Variants in DLG2 observed in about 807,000 individuals in gnomAD.
The protein encoded by DLG2 is discs large MAGUK scaffold protein 2.
A neutral mutation model predicts 132.5 loss-of-function variants in DLG2; 45 were observed. The observed-to-expected ratio is 0.34, with a 90% CI of 0.27 to 0.44. DLG2 has a LOEUF of 0.44. Ranked by LOEUF, DLG2 falls within the 20% of genes least tolerant of loss-of-function variation. The probability of loss-of-function intolerance (pLI) is 1.00; values close to 1 mark genes in which losing one functional copy is unlikely to be tolerated. For missense variants in DLG2, 1,045 were observed against 1,196.9 expected, an observed-to-expected ratio of 0.87 and a Z score of 1.87; for synonymous variants, 424 against 419.6, an observed-to-expected ratio of 1.01 and a Z score of -0.13.
intron 6 of DLG2, among the ~76,000 whole-genome samples, chr11:84,913,288 T>C (rs2092239086): frequency 6.6e-6 from 1 of 152,190 alleles, no homozygotes; most frequent in African/African-American, 2.4e-5. Context: ...AGAGAAACTT[T>C]TGCATGAAGT....
At chr11:84,399,598 G>A (rs2098822625) in intron 7 of DLG2, among the ~76,000 whole-genome samples, 1 of 151,988 alleles carries the variant, frequency 6.6e-6, no homozygotes, top group African/African-American at 2.4e-5. Flanking sequence ...GTATTTTTTA[G>A]TAGAGATGGG....
rs116096992 is a variant in DLG2 at position 85,579,536 on chromosome 11, G to A, written c.40+19121C>T. Among the ~76,000 whole-genome samples, 1,171 of 152,220 alleles carry A rather than the reference G, an allele frequency of 7.7e-3. 16 individuals are homozygous for A. Among genetic ancestry groups the A allele is most frequent in the African/African-American group, 0.027 (1,132 of 41,542 alleles). ...CAAATGCTCCTGAAAATAAAAATTC[G>A]CCAATGAAATTTGAAACATGGAGGT... On this transcript the variant is annotated intron_variant, in intron 3 of 27. Transcript: ENST00000376104.
intron 21 of DLG2, among the ~76,000 whole-genome samples, chr11:83,499,788 AT>A (rs2094348374): frequency 7.1e-6 from 1 of 140,736 alleles, no homozygotes; most frequent in Non-Finnish European, 1.5e-5. Context: ...TATATATATT[AT>A]ATATATAATA....
In DLG2 at chr11:83,668,865, A is replaced by T. The variant is rs768490375; in HGVS notation, c.1826-35540T>A. On this transcript the variant is annotated intron_variant, in intron 18 of 27. Transcript: ENST00000376104. ...CACACACACACATATATATATATATATATTTTTTTTTTATGATAGACTATG... is the reference window on the plus strand; with the variant it reads ...CACACACACACATATATATATATATTTATTTTTTTTTTATGATAGACTATG... Among the ~76,000 whole-genome samples, 130 of 115,670 alleles carry T rather than the reference A, an allele frequency of 1.1e-3. 3 individuals carry two copies. The highest frequency in any genetic ancestry group is 2.2e-3 in the Admixed American group (30 of 13,494). The allele number at this position is 115,670 out of a possible 152,430, so 75.9% of individuals were successfully genotyped here. A position where few individuals can be genotyped will look rare whatever the true frequency, so the allele number is the denominator to read the frequency against.
chr11:84,639,090 T>C (rs1443639253), intron 6 of DLG2, among the ~76,000 whole-genome samples: 1 of 152,236 alleles, frequency 6.6e-6, no homozygotes, highest in Admixed American at 6.5e-5. Flanking sequence ...TTAGTTATTT[T>C]ATCAAGTATG....
At chr11:83,698,071 C>A (rs1442524600) in intron 18 of DLG2, among the ~76,000 whole-genome samples, 1 of 152,200 alleles carries the variant, frequency 6.6e-6, no homozygotes, top group African/African-American at 2.4e-5. Flanking sequence ...CATTGAGTCT[C>A]ACTTAAGCAT....
chr11:85,301,194 C>A (rs925044706), intron 3 of DLG2, among the ~76,000 whole-genome samples: 1 of 151,998 alleles, frequency 6.6e-6, no homozygotes, highest in Non-Finnish European at 1.5e-5. Context: ...GAACAAGACT[C>A]CATCTCAAAA....
In DLG2 at chr11:84,213,682, G is replaced by C. The variant is rs137855231; in HGVS notation, c.573+37556C>G. The stretch of plus-strand genomic sequence containing the variant: ...AAAATAGAAAAAATTAGACTGGCGT[G>C]GTGGCGGGCACCTGTAGTCCCAGCT... On this transcript the variant is annotated intron_variant, in intron 8 of 27. Coordinates refer to ENST00000376104, the MANE Select transcript of DLG2 (RefSeq NM_001142699.3). Among the ~76,000 whole-genome samples the C allele has an allele frequency of 9.6e-3, 1,453 of 152,052 alleles. 18 individuals carry two copies. Among genetic ancestry groups the C allele is most frequent in the African/African-American group, 0.032 (1,336 of 41,494 alleles).
At chr11:85,587,994 T>C (rs1263106759) in intron 3 of DLG2, among the ~76,000 whole-genome samples, 1 of 152,218 alleles carries the variant, frequency 6.6e-6, no homozygotes, top group East Asian at 1.9e-4. Context: ...GGCTGAAATA[T>C]ACTGTGTTTG....
chr11:85,220,989 G>A (rs2074600185), intron 4 of DLG2, among the ~76,000 whole-genome samples: 1 of 151,490 alleles, frequency 6.6e-6, no homozygotes, highest in Non-Finnish European at 1.5e-5. Context: ...CTCATTTGGT[G>A]CTACCTTATG....
At chr11:83,488,382 A>G (rs2093649089) in intron 21 of DLG2, among the ~76,000 whole-genome samples, 1 of 152,010 alleles carries the variant, frequency 6.6e-6, no homozygotes, top group South Asian at 2.1e-4. Flanking sequence ...GTCAAATGGC[A>G]TGAAATTGCC....
intron 6 of DLG2, among the ~76,000 whole-genome samples, chr11:84,681,579 G>A (rs2099730112): frequency 6.6e-6 from 1 of 152,142 alleles, no homozygotes; most frequent in African/African-American, 2.4e-5. Context: ...AGAACACAGA[G>A]AAGAGAACAT....
intron 7 of DLG2, among the ~76,000 whole-genome samples, chr11:84,466,067 T>C (rs2099093606): frequency 6.6e-6 from 1 of 151,166 alleles, no homozygotes; most frequent in African/African-American, 2.4e-5. Context: ...AGTTGACATC[T>C]CAAATCAGTT....
At chr11:84,172,902 G>A (rs914406305) in intron 8 of DLG2, among the ~76,000 whole-genome samples, 1 of 151,892 alleles carries the variant, frequency 6.6e-6, no homozygotes, top group Non-Finnish European at 1.5e-5. Context: ...TATAACACAC[G>A]CAACTTTGGG....
chr11:84,581,494 G>C (rs2099516153), intron 6 of DLG2, among the ~76,000 whole-genome samples: 1 of 152,126 alleles, frequency 6.6e-6, no homozygotes, highest in African/African-American at 2.4e-5. Flanking sequence ...CACAAACTAT[G>C]GGACAACTCT....
intron 18 of DLG2, among the ~76,000 whole-genome samples, chr11:83,652,629 C>A (rs1259138734): frequency 6.6e-6 from 1 of 152,160 alleles, no homozygotes; most frequent in Non-Finnish European, 1.5e-5. Flanking sequence ...GCCCTGGCCT[C>A]CCACAGTGCT....
At chr11:84,306,302 CAAAAAATTAAAA>C (rs1567234678) in intron 7 of DLG2, among the ~76,000 whole-genome samples, 1 of 151,814 alleles carries the variant, frequency 6.6e-6, no homozygotes, top group African/African-American at 2.4e-5. Flanking sequence ...AAACTTGAAC[CAAAAAATTAAAA>C]TATTTGGTTC....
chr11:85,292,140 T>C (rs1055986969), intron 3 of DLG2, among the ~76,000 whole-genome samples: 3 of 152,140 alleles, frequency 2.0e-5, no homozygotes, highest in African/African-American at 7.2e-5. Flanking sequence ...AATTTCCTTA[T>C]CCTGTATCCA....
chr11:85,066,799 T>C (rs910698461), intron 6 of DLG2, among the ~76,000 whole-genome samples: 1 of 151,332 alleles, frequency 6.6e-6, no homozygotes, highest in Admixed American at 6.6e-5. Flanking sequence ...TTCAAGACAA[T>C]AAAAGCCATA....
Sources: gnomAD v4.1 joint callset for allele counts (sites outside exome capture counted in the v4.1 genomes callset) on GRCh38, gnomAD v4.1.1 for gene constraint, MANE v1.5 for transcripts, NCBI Gene and HGNC (gene_info 2026-07-23, HGNC 2026-07-21) for gene names.